The following ALLC variants were observed in gnomAD, a reference collection of about 807,000 sequenced individuals.
The protein encoded by ALLC is probable inactive allantoicase.
In ALLC, 40 loss-of-function variants were observed where a neutral mutation model predicts 45.0. The ratio of observed to expected loss-of-function variants is 0.89; its 90% confidence interval spans 0.69 to 1.16. ALLC has a LOEUF of 1.16. ALLC is among the 50% of genes most tolerant of loss of function. The probability of loss-of-function intolerance (pLI) is 0.00; values close to 1 mark genes in which losing one functional copy is unlikely to be tolerated. For missense variants in ALLC, 488 were observed against 493.1 expected (o/e 0.99, Z 0.10); for synonymous variants, 176 against 178.1 (o/e 0.99, Z 0.09).
intron 7 of ALLC, among the ~76,000 whole-genome samples, chr2:3,687,642 C>T (rs1667363490): frequency 6.6e-6 from 1 of 150,868 alleles, no homozygotes; most frequent in East Asian, 2.0e-4. Context: ...TTAAGGTTTT[C>T]TATTTCTTCA....
the ALLC span, among the ~76,000 whole-genome samples, chr2:3,647,671 T>C: frequency 6.6e-6 from 1 of 151,986 alleles, no homozygotes; most frequent in African/African-American, 2.4e-5. Flanking sequence ...TCACCCGTCC[T>C]CTCCTGATGC....
At chr2:3,678,375 G>A (rs1051645871) in intron 3 of ALLC, 93 bp from the exon 4 acceptor site, 42 of 1,104,470 alleles carry the variant, frequency 3.8e-5, no homozygotes, top group Middle Eastern at 2.1e-4. Context: ...GGTTTGCACC[G>A]TTCCTCTGGC....
At chr2:3,651,443 T>TGTGTGTGTGTGAGAG in the ALLC span, among the ~76,000 whole-genome samples, 1 of 16,808 alleles carries the variant, frequency 5.9e-5, no homozygotes, top group Non-Finnish European at 1.6e-4. Flanking sequence ...GTGTGTGTGT[T>TGTGTGTGTGTGAGAG]AGGAAGGGAG....
intron 7 of ALLC, among the ~76,000 whole-genome samples, chr2:3,685,584 C>T (rs1667318062): frequency 6.6e-6 from 1 of 150,830 alleles, no homozygotes; most frequent in South Asian, 2.1e-4. Context: ...ATCCAATCAC[C>T]TCTAAGCAGG....
intron 1 of ALLC, among the ~76,000 whole-genome samples, chr2:3,660,102 G>C (rs1401493270): frequency 6.6e-6 from 1 of 152,196 alleles, no homozygotes; most frequent in African/African-American, 2.4e-5. Flanking sequence ...GGAGGAGTCT[G>C]GGTTATGGGG....
chr2:3,673,242 G>T lies in ALLC; in HGVS notation c.34-833G>T, dbSNP rs1666939893. Among the ~76,000 whole-genome samples the T allele has an allele frequency of 2.0e-5, 3 of 152,368 alleles. No homozygotes were observed. The South Asian group carries it at 6.2e-4, about 32-fold the overall frequency. On this transcript the variant is annotated intron_variant, in intron 2 of 11. Coordinates refer to ENST00000252505, the MANE Select transcript of ALLC (RefSeq NM_018436.4). Reference sequence around the variant, plus strand: ...CGCTGCGCGTTTGTGAGAAGAGTTGGGAGCACGAGTCTGGAGAGGTAGGAG... The same window carrying T: ...CGCTGCGCGTTTGTGAGAAGAGTTGTGAGCACGAGTCTGGAGAGGTAGGAG...
intron 8 of ALLC, 24 bp from the exon 9 acceptor site, chr2:3,696,251 A>G (rs1344467700): frequency 1.3e-6 from 2 of 1,599,692 alleles, no homozygotes; most frequent in Non-Finnish European, 1.7e-6. Flanking sequence ...GCAGTTTACC[A>G]TTCAACAATG....
intron 1 of ALLC, among the ~76,000 whole-genome samples, chr2:3,668,161 G>A (rs1455308778): frequency 2.0e-5 from 3 of 152,218 alleles, no homozygotes; most frequent in African/African-American, 7.2e-5. Flanking sequence ...CCTGGGGGCC[G>A]TGGGGGCTGA....
At chr2:3,650,733 A>G in the ALLC span, among the ~76,000 whole-genome samples, 85 of 152,114 alleles carry the variant, frequency 5.6e-4, no homozygotes, top group African/African-American at 2.0e-3. Context: ...TACCCCTCCC[A>G]TGTGGGTACC....
At chr2:3,691,432 G>GTT (rs895222360) in intron 7 of ALLC, among the ~76,000 whole-genome samples, 2 of 145,854 alleles carry the variant, frequency 1.4e-5, no homozygotes, top group East Asian at 2.0e-4. Context: ...TTTTGTATTT[G>GTT]TTTTTTTTTT....
Position 3,686,709 on chromosome 2 carries a change from A to G in ALLC, c.511+3635A>G, listed in dbSNP as rs145913607. ...TTTATAGTTTTTGTAGCTATTGTAT[A>G]TGCGATTGCCTTCTTGTTTTATTTT... On this transcript the variant is annotated intron_variant, in intron 7 of 11. Coordinates refer to ENST00000252505, the MANE Select transcript of ALLC (RefSeq NM_018436.4). Among the ~76,000 whole-genome samples, 85 of 151,064 alleles carry G rather than the reference A, an allele frequency of 5.6e-4. 3 individuals are homozygous for G. Among genetic ancestry groups the G allele is most frequent in the African/African-American group, 1.9e-3 (79 of 41,454 alleles).
At chr2:3,694,209 G>A (rs1392188241) in intron 7 of ALLC, among the ~76,000 whole-genome samples, 3 of 152,166 alleles carry the variant, frequency 2.0e-5, no homozygotes, top group Non-Finnish European at 2.9e-5. Flanking sequence ...AATATGAAGG[G>A]TCCCTAAGCA....
chr2:3,662,291 G>A (rs1666595518), intron 1 of ALLC, among the ~76,000 whole-genome samples: 1 of 152,182 alleles, frequency 6.6e-6, no homozygotes, highest in Non-Finnish European at 1.5e-5. Context: ...CATATATGGT[G>A]AGAAATACAT....
At chr2:3,677,537 G>A (rs552361406) in intron 3 of ALLC, among the ~76,000 whole-genome samples, 82 of 152,300 alleles carry the variant, frequency 5.4e-4, no homozygotes, top group African/African-American at 1.8e-3. Context: ...AGCCAGAGGC[G>A]GTCAATAGCA....
chr2:3,650,122 G>A, the ALLC span, among the ~76,000 whole-genome samples: 1 of 152,202 alleles, frequency 6.6e-6, no homozygotes, highest in East Asian at 1.9e-4. Context: ...AACAAGAGCC[G>A]TTCGGCACTG....
intron 7 of ALLC, among the ~76,000 whole-genome samples, chr2:3,694,346 G>C (rs1386073751): frequency 1.3e-5 from 2 of 152,124 alleles, no homozygotes; most frequent in African/African-American, 4.8e-5. Context: ...GATTCCACCT[G>C]GGATCCAGGT....
the ALLC span, among the ~76,000 whole-genome samples, chr2:3,652,927 C>A: frequency 1.3e-5 from 2 of 152,274 alleles, no homozygotes; most frequent in South Asian, 2.1e-4. Flanking sequence ...AACCATTAAT[C>A]TTAACTCTGT....
At chr2:3,655,082 C>A (rs1380837056), upstream of ALLC, among the ~76,000 whole-genome samples, 2 of 152,218 alleles carry the variant, frequency 1.3e-5, no homozygotes, top group East Asian at 3.9e-4. Flanking sequence ...TCGTGCACTC[C>A]CCAGGTCACT....
intron 6 of ALLC, 65 bp downstream of exon 6, chr2:3,681,778 G>C: frequency 3.9e-6 from 5 of 1,281,070 alleles, no homozygotes; most frequent in African/African-American, 3.0e-5. Flanking sequence ...AAACTGCTCT[G>C]CACACCTGGC....
Sources: gnomAD v4.1 joint callset for allele counts (sites outside exome capture counted in the v4.1 genomes callset) on GRCh38, gnomAD v4.1.1 for gene constraint, MANE v1.5 for transcripts, NCBI Gene and HGNC (gene_info 2026-07-23, HGNC 2026-07-21) for gene names.